SNX27: variants seen among roughly 807,000 people sequenced by gnomAD.
SNX27 encodes the protein sorting nexin 27.
Under a neutral mutation model 71.6 loss-of-function variants are expected in SNX27, and 22 were observed. The ratio of observed to expected loss-of-function variants is 0.31; its 90% CI spans 0.22 to 0.44. The LOEUF (loss-of-function observed/expected upper bound fraction) is 0.44, where lower values mean the gene tolerates loss of function less well. Ranked by LOEUF, SNX27 falls within the 20% of genes least tolerant of loss-of-function variation. The pLI is 1.00. For synonymous variants in SNX27, 269 were observed against 277.2 expected (o/e 0.97, Z 0.29); for missense variants, 531 against 698.6 (o/e 0.76, Z 2.70).
At chr1:151,619,750 ATAT>A (rs1291712060) in intron 1 of SNX27, among the ~76,000 whole-genome samples, 1 of 152,124 alleles carries the variant, frequency 6.6e-6, no homozygotes, top group Non-Finnish European at 1.5e-5. Context: ...ACTTTTCCTG[ATAT>A]TGGCATGCTA....
intron 1 of SNX27, among the ~76,000 whole-genome samples, chr1:151,625,089 T>C (rs1434998413): frequency 6.6e-6 from 1 of 152,204 alleles, no homozygotes; most frequent in African/African-American, 2.4e-5. Context: ...TTTTTTTCCT[T>C]TTTGGGAAGA....
chr1:151,612,384 G>A lies in SNX27; in HGVS notation c.183G>A (p.Val61=). ...ACGGCTTCAACGTGCGGGGCCAAGTGAGCGAGGGCGGGCAACTGCGGAGCA... is the reference window on the plus strand; with the variant it reads ...ACGGCTTCAACGTGCGGGGCCAAGTAAGCGAGGGCGGGCAACTGCGGAGCA... ...SGYGFNVRGQ[V]SEGGQLRSIN... The change falls in exon 1 of 12, where the codon GTG becomes GTA. Residue 61 remains valine (V), a synonymous_variant. Transcript: ENST00000458013. The surrounding 1 kb of genome is among the most constrained non-coding windows in gnomAD (Gnocchi z 5.2). The A allele has an allele frequency of 6.5e-7, 1 of 1,535,530 alleles. No individual in the cohort carries two copies. The highest frequency in any genetic ancestry group is 8.7e-7 in the Non-Finnish European group (1 of 1,144,010).
At chr1:151,642,494 C>T (rs1039656058) in intron 2 of SNX27, among the ~76,000 whole-genome samples, 1 of 151,898 alleles carries the variant, frequency 6.6e-6, no homozygotes, top group South Asian at 2.1e-4. Flanking sequence ...GATATAGTCT[C>T]GTTTATCAGT....
At chr1:151,680,209 T>C (rs929753008) in intron 7 of SNX27, 3 of 149,256 alleles carry the variant, frequency 2.0e-5, no homozygotes, top group Non-Finnish European at 4.4e-5. Flanking sequence ...TGGAGTGCAG[T>C]GGCATGATCT....
chr1:151,614,710 T>G (rs528225378), intron 1 of SNX27, among the ~76,000 whole-genome samples: 32 of 152,378 alleles, frequency 2.1e-4, no homozygotes, highest in African/African-American at 7.7e-4. Context: ...ATTGTCACTT[T>G]CCTTTCCCTT....
Position 151,692,957 on chromosome 1 carries a change from C to A in SNX27, c.1436C>A (p.Thr479Lys). The A allele has an allele frequency of 6.2e-7, 1 of 1,614,118 alleles. No homozygotes were observed. The change falls in exon 10 of 12, where the codon ACA (threonine) becomes AAA (lysine). Residue 479 changes from threonine (T) to lysine (K), a missense_variant. This residue lies in a region of SNX27 where 157 missense variants were observed against 178.4 expected (regional missense o/e 0.88). Transcript: ENST00000458013. The stretch of plus-strand genomic sequence containing the variant: ...TGGGATGAGATGCAGCGATGGGACA[C>A]AGATGAAGAAGGGATGGCCTTCTGT... ...FEWDEMQRWD[T>K]DEEGMAFCFE...
rs565508977 is a variant in SNX27, at chr1:151,682,375, G to C, written c.1150-981G>C. On this transcript the variant is annotated intron_variant, in intron 7 of 11. Transcript: ENST00000458013. ...CTCGCACTGTCACCTGGGCTGGAGT[G>C]CAGTGGCATGATCTCAGCTCACTGC... Among the ~76,000 whole-genome samples, 109 of 152,172 alleles carry C rather than the reference G, an allele frequency of 7.2e-4. 1 individual carries two copies. The highest frequency in any genetic ancestry group is 1.2e-3 in the Non-Finnish European group (81 of 68,024).
intron 7 of SNX27, among the ~76,000 whole-genome samples, chr1:151,681,233 A>ATTTTTTTTT (rs1558071789): frequency 2.3e-5 from 2 of 87,376 alleles, no homozygotes; most frequent in South Asian, 3.7e-4. Flanking sequence ...TAGTCTCTCA[A>ATTTTTTTTT]TCTTTTTTTT....
chr1:151,634,847 G>C (rs1212588682), intron 1 of SNX27, among the ~76,000 whole-genome samples: 1 of 152,092 alleles, frequency 6.6e-6, no homozygotes, highest in Non-Finnish European at 1.5e-5. Context: ...ATTACATTTT[G>C]TTGTATTTGC....
At chr1:151,664,642 T>G (rs1205135801) in intron 5 of SNX27, among the ~76,000 whole-genome samples, 1 of 152,150 alleles carries the variant, frequency 6.6e-6, no homozygotes. Context: ...TACTAATGCT[T>G]ATATTTCTCT....
chr1:151,635,124 G>T (rs1456854603), intron 1 of SNX27, among the ~76,000 whole-genome samples: 8 of 152,190 alleles, frequency 5.3e-5, no homozygotes, highest in African/African-American at 1.9e-4. Context: ...GAAATTGCTG[G>T]TAGAAAAGGT....
At chr1:151,681,022 AT>A (rs1486113265) in intron 7 of SNX27, among the ~76,000 whole-genome samples, 1 of 152,172 alleles carries the variant, frequency 6.6e-6, no homozygotes, top group East Asian at 1.9e-4. Flanking sequence ...CTGGCAGGAC[AT>A]TCATATCCTT....
chr1:151,680,766 A>T (rs1202794401), intron 7 of SNX27, among the ~76,000 whole-genome samples: 1 of 152,210 alleles, frequency 6.6e-6, no homozygotes, highest in African/African-American at 2.4e-5. Context: ...ATAGACCAGT[A>T]TTGTTTATTT....
intron 7 of SNX27, among the ~76,000 whole-genome samples, chr1:151,680,668 C>T (rs1443166298): frequency 2.6e-5 from 4 of 152,114 alleles, no homozygotes; most frequent in Non-Finnish European, 5.9e-5. Context: ...TATTCTTATT[C>T]TCATCGAAAC....
At chr1:151,631,705 G>T (rs146716470) in intron 1 of SNX27, among the ~76,000 whole-genome samples, 1,575 of 150,954 alleles carry the variant, frequency 0.01, 21 homozygotes, top group Middle Eastern at 0.038. Context: ...TTTTTTCCTT[G>T]AGACAGGGTC....
intron 2 of SNX27, among the ~76,000 whole-genome samples, chr1:151,653,244 GT>G (rs753762322): frequency 1.6e-4 from 24 of 151,018 alleles, no homozygotes; most frequent in South Asian, 4.2e-4. Flanking sequence ...TGTTGTTGTT[GT>G]TTGTTTGTTT....
chr1:151,637,324 G>A (rs1212329433), intron 1 of SNX27, among the ~76,000 whole-genome samples: 2 of 151,852 alleles, frequency 1.3e-5, no homozygotes, highest in Non-Finnish European at 2.9e-5. Flanking sequence ...GACTACAGGC[G>A]CCCACCACCA....
At chr1:151,656,243 AG>A (rs1669688261) in intron 2 of SNX27, among the ~76,000 whole-genome samples, 1 of 151,346 alleles carries the variant, frequency 6.6e-6, no homozygotes, top group African/African-American at 2.4e-5. Flanking sequence ...AAAAAAAAAA[AG>A]ACCAGTGACA....
intron 7 of SNX27, among the ~76,000 whole-genome samples, chr1:151,673,809 A>G (rs1170274125): frequency 1.3e-5 from 2 of 151,948 alleles, no homozygotes; most frequent in Non-Finnish European, 2.9e-5. Flanking sequence ...GTCTTGTCCT[A>G]TATTTTTGTC....
Sources: allele counts gnomAD v4.1 joint callset (sites outside exome capture counted in the v4.1 genomes callset), GRCh38; gene constraint gnomAD v4.1.1; regional missense constraint gnomAD v4.1.1; non-coding constraint Gnocchi (gnomAD v3.1); transcripts MANE v1.5; gene names NCBI Gene and HGNC (gene_info 2026-07-23, HGNC 2026-07-21).